Variants in DPP10 observed in about 807,000 individuals in gnomAD.
DPP10 encodes the protein inactive dipeptidyl peptidase 10.
In DPP10, 33 loss-of-function variants were observed where a neutral mutation model predicts 120.9. The observed-to-expected ratio is 0.27, with a 90% CI of 0.21 to 0.37. The LOEUF is 0.37. DPP10 is among the 10% of genes least tolerant of loss of function. The pLI, the probability that DPP10 is intolerant of heterozygous loss-of-function variation, is 1.00. For missense variants in DPP10, 816 were observed against 942.8 expected, an observed-to-expected ratio of 0.87 and a Z score of 1.76; for synonymous variants, 337 against 326.1, an observed-to-expected ratio of 1.03 and a Z score of -0.36.
intron 5 of DPP10, among the ~76,000 whole-genome samples, chr2:115,564,588 T>C (rs2080887054): frequency 6.6e-6 from 1 of 152,184 alleles, no homozygotes; most frequent in African/African-American, 2.4e-5. Flanking sequence ...TTAGCTAATA[T>C]TCTTGAAACT....
At chr2:114,923,190 C>CTTTTTTT (rs879644489) in intron 1 of DPP10, among the ~76,000 whole-genome samples, 1 of 137,476 alleles carries the variant, frequency 7.3e-6, no homozygotes, top group African/African-American at 2.7e-5. Context: ...TTTCTTTTTT[C>CTTTTTTT]TTTTTTTTTT....
chr2:115,018,290 G>T (rs1702815322), intron 1 of DPP10, among the ~76,000 whole-genome samples: 1 of 152,200 alleles, frequency 6.6e-6, no homozygotes. Context: ...CAATGTGGAA[G>T]ACAGTGTGGT....
rs141775819 is a variant in DPP10 at position 114,925,725 on chromosome 2, T to C, written c.61-383514T>C. Among the ~76,000 whole-genome samples, 88 of 152,236 alleles carry C rather than the reference T, an allele frequency of 5.8e-4. 1 individual carries two copies. The highest frequency in any genetic ancestry group is 2.1e-3 in the African/African-American group (87 of 41,546). On this transcript the variant is annotated intron_variant, in intron 1 of 25. Coordinates refer to ENST00000410059, the MANE Select transcript of DPP10 (RefSeq NM_020868.6). ...CCAGAGACTATCTCCCCGAGAGCCC[T>C]GTAGCTGTGTGTGAATGTGTACGTG... is the stretch of plus-strand genomic sequence containing the variant.
intron 5 of DPP10, among the ~76,000 whole-genome samples, chr2:115,529,014 G>A (rs1173585684): frequency 1.3e-5 from 2 of 152,020 alleles, no homozygotes; most frequent in African/African-American, 2.4e-5. Context: ...AGTTTTATAA[G>A]ATAGTATCGG....
chr2:114,936,702 A>C (rs1400516179), intron 1 of DPP10, among the ~76,000 whole-genome samples: 1 of 152,080 alleles, frequency 6.6e-6, no homozygotes, highest in Non-Finnish European at 1.5e-5. Flanking sequence ...TTCACTATAC[A>C]CTATTACAGT....
intron 1 of DPP10, among the ~76,000 whole-genome samples, chr2:114,884,348 T>A (rs1405659386): frequency 6.6e-6 from 1 of 152,212 alleles, no homozygotes; most frequent in Non-Finnish European, 1.5e-5. Context: ...CTAAAATAGG[T>A]CTCACTGAGC....
chr2:115,472,910 C>T (rs1257304633), intron 3 of DPP10, among the ~76,000 whole-genome samples: 1 of 152,120 alleles, frequency 6.6e-6, no homozygotes, highest in Non-Finnish European at 1.5e-5. Context: ...ATGTATTTGC[C>T]TGTTAGACTT....
chr2:115,642,967 C>T (rs1285654956), intron 5 of DPP10, among the ~76,000 whole-genome samples: 2 of 151,854 alleles, frequency 1.3e-5, no homozygotes, highest in Non-Finnish European at 2.9e-5. Flanking sequence ...ACAGATTGAC[C>T]TCATCTATCA....
chr2:115,402,850 A>ATATATATATAT (rs1553584327), intron 3 of DPP10, among the ~76,000 whole-genome samples: 1 of 57,998 alleles, frequency 1.7e-5, no homozygotes, highest in African/African-American at 5.2e-5. Flanking sequence ...AGGAAAAAAA[A>ATATATATATAT]AAAAATATAT....
rs374421338 is a variant in DPP10 at position 115,067,720 on chromosome 2, G to A, written c.61-241519G>A. On this transcript the variant is annotated intron_variant, in intron 1 of 25. Transcript: ENST00000410059. The stretch of plus-strand genomic sequence containing the variant: ...CTACTAAAAATACAAAAAATTAGCC[G>A]GGCGTGGTGGCGGGCGCCTGTAGTC... 7.8e-3 allele frequency among the ~76,000 whole-genome samples: 1,166 copies of A among 149,116 alleles called. 11 individuals are homozygous for A. The highest frequency in any genetic ancestry group is 0.027 in the African/African-American group (1,112 of 41,022).
At chr2:114,574,182 C>A (rs1468471754) in intron 1 of DPP10, among the ~76,000 whole-genome samples, 1 of 152,216 alleles carries the variant, frequency 6.6e-6, no homozygotes, top group South Asian at 2.1e-4. Flanking sequence ...TTATATTACC[C>A]GCCTCATGTG....
chr2:115,392,509 C>T (rs1185298436), intron 3 of DPP10, among the ~76,000 whole-genome samples: 1 of 152,064 alleles, frequency 6.6e-6, no homozygotes. Context: ...TACATAATTA[C>T]ACTCATCCTC....
At chr2:115,680,673 C>T (rs750193341) in intron 5 of DPP10, among the ~76,000 whole-genome samples, 14 of 151,818 alleles carry the variant, frequency 9.2e-5, no homozygotes, top group Non-Finnish European at 1.9e-4. Context: ...TTTTGGCATG[C>T]TACTTAAGTA....
chr2:115,357,086 A>G (rs756607625), intron 3 of DPP10, among the ~76,000 whole-genome samples: 1 of 152,196 alleles, frequency 6.6e-6, no homozygotes, highest in Non-Finnish European at 1.5e-5. Flanking sequence ...TGTACTCAAT[A>G]TATATTTCCC....
chr2:115,475,461 C>G (rs1187537354), intron 3 of DPP10, among the ~76,000 whole-genome samples: 1 of 152,236 alleles, frequency 6.6e-6, no homozygotes. Flanking sequence ...CTGGCAGAAG[C>G]CTGCTGCAGG....
At chr2:115,466,198 G>A (rs895189911) in intron 3 of DPP10, among the ~76,000 whole-genome samples, 1 of 152,118 alleles carries the variant, frequency 6.6e-6, no homozygotes, top group Non-Finnish European at 1.5e-5. Flanking sequence ...GAGAAATCCT[G>A]TCTCCCTATC....
intron 1 of DPP10, among the ~76,000 whole-genome samples, chr2:114,747,295 G>T (rs1467977474): frequency 2.0e-5 from 3 of 152,058 alleles, no homozygotes; most frequent in Non-Finnish European, 2.9e-5. Context: ...ATGGGACTTT[G>T]GTCTGTCTTC....
intron 1 of DPP10, among the ~76,000 whole-genome samples, chr2:114,678,095 A>G (rs1268632722): frequency 6.6e-6 from 1 of 152,138 alleles, no homozygotes; most frequent in Non-Finnish European, 1.5e-5. Flanking sequence ...CTTATCACTT[A>G]TGCCTGAGAG....
intron 5 of DPP10, among the ~76,000 whole-genome samples, chr2:115,666,031 G>C (rs1036407616): frequency 6.6e-6 from 1 of 151,808 alleles, no homozygotes; most frequent in Admixed American, 6.6e-5. Flanking sequence ...AGTTTTTTTA[G>C]TCCTCTCCCT....
Sources: gnomAD v4.1 joint callset for allele counts (sites outside exome capture counted in the v4.1 genomes callset) on GRCh38, gnomAD v4.1.1 for gene constraint, MANE v1.5 for transcripts, NCBI Gene and HGNC (gene_info 2026-07-23, HGNC 2026-07-21) for gene names.